ABTB3: variants seen among roughly 807,000 people sequenced by gnomAD.
ABTB3 encodes the protein ankyrin repeat and BTB domain containing 3.
the ABTB3 span, chr12:107,618,041 C>A: frequency 1.1e-6 from 1 of 923,516 alleles, no homozygotes; most frequent in Non-Finnish European, 1.6e-6. Context: ...ACCCATTGAT[C>A]TTGTCATCAC....
chr12:107,602,064 C>T, the ABTB3 span, among the ~76,000 whole-genome samples: 1 of 152,142 alleles, frequency 6.6e-6, no homozygotes, highest in East Asian at 1.9e-4. Flanking sequence ...TACCTTCTAG[C>T]AACAGTGAGG....
chr12:107,457,715 A>T, the ABTB3 span, among the ~76,000 whole-genome samples: 753 of 152,334 alleles, frequency 4.9e-3, 6 homozygotes, highest in African/African-American at 0.017. Context: ...CCCTGGAGGC[A>T]TGGCCTCAGC....
At chr12:107,647,598 C>T in the ABTB3 span, among the ~76,000 whole-genome samples, 1 of 152,160 alleles carries the variant, frequency 6.6e-6, no homozygotes, top group Non-Finnish European at 1.5e-5. Flanking sequence ...TGAGACCAGT[C>T]GCAAAGACTT....
At chr12:107,348,445 C>A in the ABTB3 span, among the ~76,000 whole-genome samples, 4 of 152,096 alleles carry the variant, frequency 2.6e-5, no homozygotes, top group Non-Finnish European at 4.4e-5. Context: ...TCAGAAGAGA[C>A]CTGTTCACGC....
the ABTB3 span, chr12:107,580,734 G>C: frequency 1.5e-6 from 2 of 1,295,678 alleles, no homozygotes; most frequent in South Asian, 1.5e-5. Flanking sequence ...TCCACAATCA[G>C]GGAGCCCCAA....
the ABTB3 span, among the ~76,000 whole-genome samples, chr12:107,458,658 A>G: frequency 6.6e-6 from 1 of 152,112 alleles, no homozygotes; most frequent in African/African-American, 2.4e-5. Context: ...GGTAGGGGAG[A>G]GCCAGGACTT....
the ABTB3 span, among the ~76,000 whole-genome samples, chr12:107,403,992 G>A: frequency 0.14 from 21,133 of 151,530 alleles, 2,772 homozygotes; most frequent in East Asian, 0.41. Flanking sequence ...GTGAAACCCC[G>A]TCTCTACTAA....
At chr12:107,496,499 G>A in the ABTB3 span, among the ~76,000 whole-genome samples, 3 of 152,180 alleles carry the variant, frequency 2.0e-5, no homozygotes, top group Non-Finnish European at 4.4e-5. Flanking sequence ...GTCCGGGATG[G>A]TAGCATAAAT....
At chr12:107,645,771 C>G in the ABTB3 span, among the ~76,000 whole-genome samples, 271 of 152,312 alleles carry the variant, frequency 1.8e-3, 1 homozygote, top group African/African-American at 6.3e-3. Context: ...CCATGGGAAA[C>G]GGCAGTCCCC....
the ABTB3 span, among the ~76,000 whole-genome samples, chr12:107,417,671 G>A: frequency 5.9e-5 from 9 of 152,316 alleles, no homozygotes; most frequent in Admixed American, 3.9e-4. Context: ...TTCAGTGTCC[G>A]CGCATAGCGT....
At chr12:107,413,560 T>C in the ABTB3 span, among the ~76,000 whole-genome samples, 1 of 152,122 alleles carries the variant, frequency 6.6e-6, no homozygotes, top group African/African-American at 2.4e-5. Flanking sequence ...AAAAAGTGAT[T>C]AACATTGTTC....
chr12:107,622,907 C>A, the ABTB3 span, among the ~76,000 whole-genome samples: 1 of 152,292 alleles, frequency 6.6e-6, no homozygotes, highest in East Asian at 1.9e-4. Context: ...TCACTCAAAC[C>A]ATACTTGAAA....
chr12:107,564,074 C>T, the ABTB3 span, among the ~76,000 whole-genome samples: 5 of 149,226 alleles, frequency 3.4e-5, no homozygotes, highest in East Asian at 8.4e-4. Context: ...GTCTCTCTCT[C>T]TCTCTATCTA....
chr12:107,480,274 A>T, the ABTB3 span, among the ~76,000 whole-genome samples: 2 of 151,892 alleles, frequency 1.3e-5, no homozygotes, highest in Non-Finnish European at 2.9e-5. Context: ...AGGGCATTGC[A>T]TGACCCAAAA....
At chr12:107,388,534 C>A in the ABTB3 span, among the ~76,000 whole-genome samples, 2 of 150,554 alleles carry the variant, frequency 1.3e-5, no homozygotes, top group African/African-American at 4.9e-5. Context: ...TTCCTTCCTC[C>A]TCTTCATCTT....
the ABTB3 span, among the ~76,000 whole-genome samples, chr12:107,370,795 T>A: frequency 5.2e-5 from 7 of 135,614 alleles, no homozygotes; most frequent in Non-Finnish European, 1.1e-4. Context: ...TACAGTTTTG[T>A]GACTTAAGCT....
chr12:107,656,716 A>C, the ABTB3 span, among the ~76,000 whole-genome samples: 1 of 152,378 alleles, frequency 6.6e-6, no homozygotes, highest in Non-Finnish European at 1.5e-5. Context: ...ACTTGTGCCG[A>C]ATGACACTAA....
the ABTB3 span, among the ~76,000 whole-genome samples, chr12:107,370,596 G>T: frequency 6.6e-6 from 1 of 152,036 alleles, no homozygotes; most frequent in African/African-American, 2.4e-5. Context: ...ATGGTCTCTG[G>T]GTCACAGGCT....
At chr12:107,341,066 G>T in the ABTB3 span, among the ~76,000 whole-genome samples, 1 of 152,184 alleles carries the variant, frequency 6.6e-6, no homozygotes, top group African/African-American at 2.4e-5. Flanking sequence ...CAGACTCCAA[G>T]CCCTGTCACA....
Sources: allele counts gnomAD v4.1 joint callset (sites outside exome capture counted in the v4.1 genomes callset), GRCh38; gene constraint gnomAD v4.1.1; transcripts MANE v1.5; gene names NCBI Gene and HGNC (gene_info 2026-07-23, HGNC 2026-07-21).